GRM1: variants seen among roughly 807,000 people sequenced by gnomAD.
The protein encoded by GRM1 is glutamate metabotropic receptor 1.
In GRM1, 33 loss-of-function variants were observed where a neutral mutation model predicts 90.9. That is an observed-to-expected ratio of 0.36 (90% CI 0.28 to 0.49). The LOEUF (loss-of-function observed/expected upper bound fraction) is 0.49. GRM1 is among the 20% of genes least tolerant of loss of function. GRM1 has a pLI of 0.99. For missense variants in GRM1, 1,190 were observed against 1,534.3 expected, an observed-to-expected ratio of 0.78 and a Z score of 3.75; for synonymous variants, 700 against 613.2, an observed-to-expected ratio of 1.14 and a Z score of -2.09.
At chr6:146,043,610 G>A (rs1039314555) in intron 1 of GRM1, among the ~76,000 whole-genome samples, 12 of 151,396 alleles carry the variant, frequency 7.9e-5, no homozygotes, top group Non-Finnish European at 1.5e-4. Flanking sequence ...TGCATTTTCT[G>A]TTTATCTCTT....
At chr6:146,122,189 C>T (rs935418425) in intron 1 of GRM1, among the ~76,000 whole-genome samples, 3 of 152,026 alleles carry the variant, frequency 2.0e-5, no homozygotes, top group Non-Finnish European at 4.4e-5. Flanking sequence ...AATCTTTTTC[C>T]ACCGGAATTT....
chr6:146,280,318 A>T (rs906498937), intron 2 of GRM1, among the ~76,000 whole-genome samples: 1 of 152,144 alleles, frequency 6.6e-6, no homozygotes, highest in African/African-American at 2.4e-5. Context: ...CATCCTTGAA[A>T]ATAGCTACTG....
intron 2 of GRM1, among the ~76,000 whole-genome samples, chr6:146,302,859 AAAG>A (rs903547610): frequency 5.3e-5 from 8 of 152,120 alleles, no homozygotes; most frequent in Non-Finnish European, 1.0e-4. Context: ...AAGAAAAAAG[AAAG>A]AAGGAAGAAG....
chr6:146,270,399 C>A (rs1353899520), intron 2 of GRM1, among the ~76,000 whole-genome samples: 2 of 152,144 alleles, frequency 1.3e-5, no homozygotes, highest in Non-Finnish European at 2.9e-5. Flanking sequence ...ACAGAAGAAT[C>A]TTCTACATTA....
At chr6:146,044,931 G>C (rs1188022012) in intron 1 of GRM1, among the ~76,000 whole-genome samples, 1 of 151,886 alleles carries the variant, frequency 6.6e-6, no homozygotes, top group East Asian at 1.9e-4. Context: ...CACCTGGGGA[G>C]CTTCAATTAC....
intron 1 of GRM1, among the ~76,000 whole-genome samples, chr6:146,060,223 G>A (rs1373336722): frequency 6.6e-6 from 1 of 151,866 alleles, no homozygotes; most frequent in Admixed American, 6.6e-5. Flanking sequence ...ACACTTAGAG[G>A]CAATTATATA....
intron 2 of GRM1, among the ~76,000 whole-genome samples, chr6:146,267,702 G>GCTCGTCTCGTCTCGTCTCGT (rs1185232840): frequency 8.9e-4 from 77 of 86,102 alleles, no homozygotes; most frequent in East Asian, 2.3e-3. Context: ...GCTCGGCTCG[G>GCTCGTCTCGTCTCGTCTCGT]CTCGTCTCGT....
At chr6:146,107,235 A>T (rs1046071770) in intron 1 of GRM1, among the ~76,000 whole-genome samples, 7 of 152,196 alleles carry the variant, frequency 4.6e-5, no homozygotes, top group Admixed American at 1.3e-4. Context: ...TACTACTATT[A>T]TTGTATATAA....
At chr6:146,031,102 A>G (rs1481980289) in intron 1 of GRM1, among the ~76,000 whole-genome samples, 3 of 152,202 alleles carry the variant, frequency 2.0e-5, no homozygotes, top group South Asian at 2.1e-4. Context: ...TGATTTTTCC[A>G]GAGACTTATG....
At chr6:146,126,478 G>C (rs1227807487) in intron 1 of GRM1, among the ~76,000 whole-genome samples, 1 of 152,012 alleles carries the variant, frequency 6.6e-6, no homozygotes, top group Non-Finnish European at 1.5e-5. Flanking sequence ...AATATAATTG[G>C]TTCAACTGGA....
chr6:146,256,099 C>T (rs367920718), intron 2 of GRM1, among the ~76,000 whole-genome samples: 2 of 152,056 alleles, frequency 1.3e-5, no homozygotes, highest in East Asian at 1.9e-4. Context: ...CAGCTTGAGT[C>T]GAAGAGAATA....
intron 2 of GRM1, among the ~76,000 whole-genome samples, chr6:146,254,344 G>T (rs1400591062): frequency 6.6e-6 from 1 of 152,072 alleles, no homozygotes; most frequent in African/African-American, 2.4e-5. Context: ...TGGAAGGAAG[G>T]CCCTGGGGTT....
At chr6:146,039,442 G>A (rs766733261) in intron 1 of GRM1, among the ~76,000 whole-genome samples, 9 of 152,052 alleles carry the variant, frequency 5.9e-5, no homozygotes, top group Non-Finnish European at 1.2e-4. Flanking sequence ...TGAAAAGAGA[G>A]AAAGAGCCTA....
At chr6:146,196,684 C>G (rs1779136050) in intron 2 of GRM1, among the ~76,000 whole-genome samples, 1 of 151,996 alleles carries the variant, frequency 6.6e-6, no homozygotes, top group African/African-American at 2.4e-5. Context: ...AATGAGGATT[C>G]TCAGGACCCA....
intron 2 of GRM1, among the ~76,000 whole-genome samples, chr6:146,272,049 C>T (rs769575211): frequency 2.8e-4 from 43 of 152,282 alleles, no homozygotes; most frequent in African/African-American, 6.7e-4. Context: ...TGTTCCAAGA[C>T]TGTGTCCAGA....
At chr6:146,389,521 TG>T in intron 6 of GRM1, among the ~76,000 whole-genome samples, 1 of 152,256 alleles carries the variant, frequency 6.6e-6, no homozygotes, top group Non-Finnish European at 1.5e-5. Context: ...TTCTGTCCAC[TG>T]CCAAATGCTC....
chr6:146,357,631 G>A lies in GRM1; in HGVS notation c.1539G>A (p.Gln513=), dbSNP rs758003743. The A allele has an allele frequency of 6.2e-6, 10 of 1,614,098 alleles. No individual in the cohort carries two copies. Among genetic ancestry groups the A allele is most frequent in the Non-Finnish European group, 8.5e-6 (10 of 1,179,956 alleles). The change falls in exon 5 of 8, where the codon CAG becomes CAA. Residue 513 remains glutamine (Q), a synonymous_variant. Coordinates refer to ENST00000282753, the MANE Select transcript of GRM1 (RefSeq NM_001278064.2). ...GVLNIDDYKI[Q]MNKSGVVRSV... ...TGAACATTGATGATTACAAAATCCA[G>A]ATGAACAAGAGTGGAGTGGTGCGGT... is the stretch of plus-strand genomic sequence containing the variant.
At chr6:146,280,014 C>T (rs1782508846) in intron 2 of GRM1, among the ~76,000 whole-genome samples, 1 of 152,048 alleles carries the variant, frequency 6.6e-6, no homozygotes, top group Admixed American at 6.6e-5. Flanking sequence ...TATTGAACTT[C>T]TTGGATGTGT....
At chr6:146,062,125 AAATGTGGC>A (rs1382020827) in intron 1 of GRM1, among the ~76,000 whole-genome samples, 3 of 152,174 alleles carry the variant, frequency 2.0e-5, no homozygotes, top group Non-Finnish European at 4.4e-5. Flanking sequence ...TGGATAAAGC[AAATGTGGC>A]ACATATACAC....
Sources: allele counts gnomAD v4.1 joint callset (sites outside exome capture counted in the v4.1 genomes callset), GRCh38; gene constraint gnomAD v4.1.1; transcripts MANE v1.5; gene names NCBI Gene and HGNC (gene_info 2026-07-23, HGNC 2026-07-21).